The following CAB39L variants were observed in gnomAD, a reference collection of about 807,000 sequenced individuals.
CAB39L encodes calcium binding protein 39 like, also known as calcium-binding protein 39-like.
Under a neutral mutation model 39.1 loss-of-function variants are expected in CAB39L, and 23 were observed. The observed-to-expected ratio is 0.59, with a 90% CI of 0.42 to 0.83. CAB39L has a LOEUF of 0.83. Among genes scored for constraint, CAB39L ranks in the 40% least tolerant of loss-of-function variants. The pLI is 0.00. For synonymous variants in CAB39L, 126 were observed against 137.2 expected (o/e 0.92, Z 0.57); for missense variants, 366 against 391.9 (o/e 0.93, Z 0.56).
intron 10 of CAB39L, among the ~76,000 whole-genome samples, chr13:49,329,544 AATATATATATATATATATAT>A (rs1179579885): frequency 0.083 from 2,786 of 33,704 alleles, 153 homozygotes; most frequent in Non-Finnish European, 0.11. Context: ...TAAAAAAAAA[AATATATATATATATATATAT>A]ATATATATAT....
intron 4 of CAB39L, among the ~76,000 whole-genome samples, chr13:49,378,316 G>C (rs1956145927): frequency 1.3e-5 from 1 of 79,556 alleles, no homozygotes; most frequent in Non-Finnish European, 2.6e-5. Flanking sequence ...GGGAGGTGGG[G>C]GGTCAGCCCC....
chr13:49,432,161 T>C (rs1957336780), intron 3 of CAB39L, among the ~76,000 whole-genome samples: 1 of 152,192 alleles, frequency 6.6e-6, no homozygotes, highest in South Asian at 2.1e-4. Flanking sequence ...CATATATACA[T>C]ATTTAGACAT....
chr13:49,436,598 A>G (rs1594103817), intron 1 of CAB39L, among the ~76,000 whole-genome samples: 2 of 100,122 alleles, frequency 2.0e-5, no homozygotes, highest in Non-Finnish European at 3.6e-5. Flanking sequence ...GAGTCTCTCT[A>G]TATTGCCCAG....
At chr13:49,375,642 G>T (rs920559139) in intron 5 of CAB39L, among the ~76,000 whole-genome samples, 1 of 151,958 alleles carries the variant, frequency 6.6e-6, no homozygotes, top group Non-Finnish European at 1.5e-5. Flanking sequence ...ACCGGGGCCT[G>T]TTGTGGGGTC....
At chr13:49,427,115 C>T (rs1281968170) in intron 3 of CAB39L, among the ~76,000 whole-genome samples, 1 of 152,116 alleles carries the variant, frequency 6.6e-6, no homozygotes, top group Admixed American at 6.5e-5. Context: ...TTCTTAGCTA[C>T]GGTACTCAGT....
intron 3 of CAB39L, among the ~76,000 whole-genome samples, chr13:49,422,313 C>T (rs966828104): frequency 1.3e-5 from 2 of 152,324 alleles, no homozygotes; most frequent in African/African-American, 4.8e-5. Context: ...TGGCTCACAC[C>T]TATAATCCCA....
chr13:49,409,970 CAT>C (rs1956956720), intron 3 of CAB39L, among the ~76,000 whole-genome samples: 1 of 151,728 alleles, frequency 6.6e-6, no homozygotes, highest in Non-Finnish European at 1.5e-5. Context: ...AGGTGTGACT[CAT>C]GTACACCAAA....
chr13:49,368,391 G>A (rs1593999501), intron 5 of CAB39L, among the ~76,000 whole-genome samples: 1 of 152,320 alleles, frequency 6.6e-6, no homozygotes, highest in South Asian at 2.1e-4. Context: ...ACAAGCTGGT[G>A]AATAATGATC....
At chr13:49,376,599 T>C (rs1240720565) in intron 5 of CAB39L, among the ~76,000 whole-genome samples, 2 of 152,340 alleles carry the variant, frequency 1.3e-5, no homozygotes, top group East Asian at 3.9e-4. Context: ...CTTTGAACTT[T>C]AGGTTCTTCA....
chr13:49,402,100 T>C (rs1442369236), intron 3 of CAB39L, among the ~76,000 whole-genome samples: 1 of 152,164 alleles, frequency 6.6e-6, no homozygotes, highest in Non-Finnish European at 1.5e-5. Flanking sequence ...AAAGAGCAGT[T>C]TAATCATGTA....
At chr13:49,350,134 G>A (rs546308061) in intron 7 of CAB39L, among the ~76,000 whole-genome samples, 4 of 152,288 alleles carry the variant, frequency 2.6e-5, no homozygotes, top group African/African-American at 9.6e-5. Context: ...GCCTAACAAT[G>A]TGAATATATT....
intron 9 of CAB39L, among the ~76,000 whole-genome samples, chr13:49,332,563 A>G (rs1225877748): frequency 2.6e-5 from 4 of 152,180 alleles, no homozygotes; most frequent in Non-Finnish European, 5.9e-5. Context: ...AACCTGATAT[A>G]AAGTCAGAAA....
chr13:49,389,981 T>A (rs1956452823), intron 3 of CAB39L, among the ~76,000 whole-genome samples: 1 of 151,840 alleles, frequency 6.6e-6, no homozygotes, highest in African/African-American at 2.4e-5. Context: ...TGCCACCATG[T>A]CCGGTTAATT....
At chr13:49,352,394 A>C (rs1289222608) in intron 6 of CAB39L, among the ~76,000 whole-genome samples, 1 of 152,064 alleles carries the variant, frequency 6.6e-6, no homozygotes, top group African/African-American at 2.4e-5. Flanking sequence ...ATATAGGAAG[A>C]ATAGAACAAA....
Position 49,377,032 on chromosome 13 carries a change from G to C in CAB39L, c.211C>G (p.Gln71Glu). 6.2e-7 allele frequency: 1 copy of C among 1,613,828 alleles called. No individual in the cohort carries two copies. The highest frequency in any genetic ancestry group is 8.5e-7 in the Non-Finnish European group (1 of 1,179,766). Reference sequence around the variant, plus strand: ...AGCAGGCCACTGCTGTAGAGTTCTTGTGCTAGCTGAGCCACTGCTTCTGTT... The same window carrying C: ...AGCAGGCCACTGCTGTAGAGTTCTTCTGCTAGCTGAGCCACTGCTTCTGTT... Reference protein sequence around the residue: ...PPTEAVAQLAQELYSSGLLVT... With the variant: ...PPTEAVAQLAEELYSSGLLVT... Residue 71 changes from glutamine to glutamate, a missense_variant, in exon 5 of 11, where the codon CAA becomes GAA. Gln to Glu is a conservative substitution (Grantham distance 29). Coordinates refer to ENST00000409308, the MANE Select transcript of CAB39L (RefSeq NM_001079670.3).
intron 4 of CAB39L, 65 bp from the exon 5 acceptor site, chr13:49,377,196 C>T (rs1338968469): frequency 7.3e-7 from 1 of 1,368,514 alleles, no homozygotes; most frequent in Non-Finnish European, 1.0e-6. Context: ...AACAAACAAA[C>T]AAATAATCCA....
chr13:49,382,900 A>AT lies in CAB39L; in HGVS notation c.10dup (p.Met4AsnfsTer5), dbSNP rs1270111731. The AT allele has an allele frequency of 6.9e-6, 11 of 1,594,146 alleles. No homozygotes were observed. The highest frequency in any genetic ancestry group is 4.0e-5 in the African/African-American group (3 of 74,416). On this transcript the variant is annotated frameshift_variant, in exon 4 of 11. Transcript: ENST00000409308. LOFTEE classifies it high-confidence loss of function. The stretch of plus-strand genomic sequence containing the variant: ...TTTGTGTGATTTACTAAACAAAGGC[A>AT]TTTTTTTCATGTGTAGAAATCTCTT...
intron 10 of CAB39L, among the ~76,000 whole-genome samples, chr13:49,329,572 T>A (rs1190709581): frequency 0.059 from 4,649 of 79,080 alleles, 699 homozygotes; most frequent in African/African-American, 0.2. Context: ...TATATATATA[T>A]ATATATATAT....
chr13:49,434,813 A>G (rs1191977084), intron 1 of CAB39L, among the ~76,000 whole-genome samples: 2 of 152,238 alleles, frequency 1.3e-5, no homozygotes, highest in Non-Finnish European at 1.5e-5. Context: ...AGTACATTTC[A>G]AAATCTATGT....
Sources: gnomAD v4.1 joint callset for allele counts (sites outside exome capture counted in the v4.1 genomes callset) on GRCh38, gnomAD v4.1.1 for gene constraint, MANE v1.5 for transcripts, NCBI Gene and HGNC (gene_info 2026-07-23, HGNC 2026-07-21) for gene names.